GPR174: variants seen among roughly 807,000 people sequenced by gnomAD.
The protein encoded by GPR174 is G protein-coupled receptor 174.
A neutral mutation model predicts 16.5 loss-of-function variants in GPR174; 8 were observed. The observed-to-expected ratio is 0.48, with a 90% CI of 0.28 to 0.87. The LOEUF is 0.87. Ranked by LOEUF, GPR174 falls within the 40% of genes least tolerant of loss-of-function variation. The pLI is 0.09. For missense variants in GPR174, 214 were observed against 247.5 expected (o/e 0.86, Z 0.91); for synonymous variants, 111 against 94.8 (o/e 1.17, Z -0.99).
intron 2 of GPR174, among the ~76,000 whole-genome samples, chrX:79,167,688 A>T (rs969507901): frequency 8.9e-6 from 1 of 112,106 alleles, no homozygotes; most frequent in African/African-American, 3.2e-5. Flanking sequence ...TAATTAAAAG[A>T]GCACTTCTCA....
chrX:79,158,587 G>A (rs1408357515), intron 2 of GPR174, among the ~76,000 whole-genome samples: 2 of 106,291 alleles, frequency 1.9e-5, no homozygotes. Context: ...GGGACTACAG[G>A]CATGTGCCAC....
chrX:79,148,701 T>A (rs1926547831), intron 1 of GPR174, among the ~76,000 whole-genome samples: 1 of 111,225 alleles, frequency 9.0e-6, no homozygotes, highest in Non-Finnish European at 1.9e-5. Flanking sequence ...GTACTTTTTT[T>A]GTGGAGACAG....
At chrX:79,148,924 A>G (rs1257797242) in intron 1 of GPR174, among the ~76,000 whole-genome samples, 2 of 112,228 alleles carry the variant, frequency 1.8e-5, no homozygotes, top group African/African-American at 6.5e-5. Flanking sequence ...CTGATGACCT[A>G]TAAGTTACTT....
chrX:79,158,977 C>G (rs189343777), intron 2 of GPR174, among the ~76,000 whole-genome samples: 1 of 109,250 alleles, frequency 9.2e-6, no homozygotes, highest in Middle Eastern at 4.2e-3. Context: ...ATACTGCATG[C>G]CTGTATCAAA....
chrX:79,149,956 G>T (rs1226909948), intron 1 of GPR174, among the ~76,000 whole-genome samples: 1 of 108,668 alleles, frequency 9.2e-6, no homozygotes, highest in Non-Finnish European at 1.9e-5. Context: ...ATAATTACTT[G>T]TTAATGACTG....
At chrX:79,162,489 C>A (rs1921259579) in intron 2 of GPR174, among the ~76,000 whole-genome samples, 1 of 111,993 alleles carries the variant, frequency 8.9e-6, no homozygotes, top group Non-Finnish European at 1.9e-5. Flanking sequence ...ATAAGTAAAA[C>A]AATAGCTAAA....
At chrX:79,154,168 C>G (rs1921041754) in intron 1 of GPR174, among the ~76,000 whole-genome samples, 2 of 110,659 alleles carry the variant, frequency 1.8e-5, no homozygotes, top group Admixed American at 9.7e-5. Context: ...TGAAAAGGCT[C>G]CAGTGTATGA....
chrX:79,153,335 C>A (rs891500276), intron 1 of GPR174, among the ~76,000 whole-genome samples: 3 of 111,900 alleles, frequency 2.7e-5, no homozygotes, highest in East Asian at 5.6e-4. Flanking sequence ...TGATTTACAG[C>A]AAGGTATTGT....
rs150017891 is a variant in GPR174 at position 79,167,534 on chromosome X, G to A, written c.-556-2918G>A. 7.6e-4 allele frequency among the ~76,000 whole-genome samples: 84 copies of A among 110,754 alleles called. 2 individuals are homozygous for A. In the East Asian group the frequency reaches 0.021, roughly 28 times the overall value. ...TAAAGGTCTTGTTAATTTCAGTACAGGTTGAATAGCCCGTGAGGTCCTCAA... is the reference window on the plus strand; with the variant it reads ...TAAAGGTCTTGTTAATTTCAGTACAAGTTGAATAGCCCGTGAGGTCCTCAA... On this transcript the variant is annotated intron_variant, in intron 2 of 2. Transcript: ENST00000645147.
intron 1 of GPR174, among the ~76,000 whole-genome samples, chrX:79,145,526 G>C (rs1001267173): frequency 3.6e-5 from 4 of 111,722 alleles, no homozygotes; most frequent in Non-Finnish European, 5.7e-5. Context: ...GTGAACATTT[G>C]CAATTTAACC....
intron 2 of GPR174, among the ~76,000 whole-genome samples, chrX:79,164,740 G>C (rs925915066): frequency 1.8e-5 from 2 of 111,934 alleles, no homozygotes; most frequent in African/African-American, 6.5e-5. Context: ...ATCCTGTTTA[G>C]TAGGAGTAGC....
intron 1 of GPR174, among the ~76,000 whole-genome samples, chrX:79,152,143 A>T (rs1466965681): frequency 9.0e-6 from 1 of 111,591 alleles, no homozygotes; most frequent in Non-Finnish European, 1.9e-5. Flanking sequence ...TTGTACACAG[A>T]GGCTCTCCTA....
chrX:79,152,732 A>AT (rs1215988636), intron 1 of GPR174, among the ~76,000 whole-genome samples: 1 of 111,780 alleles, frequency 8.9e-6, no homozygotes, highest in Non-Finnish European at 1.9e-5. Context: ...TAGAAGTATA[A>AT]ACCTGAAGAA....
intron 1 of GPR174, among the ~76,000 whole-genome samples, chrX:79,153,673 T>C (rs1921030407): frequency 8.9e-6 from 1 of 111,908 alleles, no homozygotes; most frequent in South Asian, 3.7e-4. Flanking sequence ...GTATTTGATG[T>C]AAAAAATTGA....
intron 2 of GPR174, among the ~76,000 whole-genome samples, chrX:79,158,211 T>C (rs781594084): frequency 3.8e-5 from 4 of 105,600 alleles, no homozygotes; most frequent in Non-Finnish European, 7.8e-5. Flanking sequence ...GCCACCCCAG[T>C]CTTTCTTTCT....
chrX:79,162,797 A>C (rs1921267224), intron 2 of GPR174, among the ~76,000 whole-genome samples: 1 of 112,026 alleles, frequency 8.9e-6, no homozygotes, highest in Non-Finnish European at 1.9e-5. Context: ...GAACCATATC[A>C]GGCTATGGCA....
intron 1 of GPR174, among the ~76,000 whole-genome samples, chrX:79,156,469 C>A (rs1282266502): frequency 8.9e-6 from 1 of 111,752 alleles, no homozygotes; most frequent in African/African-American, 3.3e-5. Flanking sequence ...CAACTTTTAC[C>A]CTTCAACTGT....
At chrX:79,153,190 C>T (rs1921018306) in intron 1 of GPR174, among the ~76,000 whole-genome samples, 1 of 112,036 alleles carries the variant, frequency 8.9e-6, no homozygotes, top group South Asian at 3.7e-4. Flanking sequence ...CAAAGCTTAG[C>T]ATTTGACCTG....
chrX:79,148,446 T>C (rs1461473502), intron 1 of GPR174, among the ~76,000 whole-genome samples: 1 of 112,205 alleles, frequency 8.9e-6, no homozygotes, highest in Non-Finnish European at 1.9e-5. Context: ...TAAAATTTTT[T>C]TCAGCTTTAC....
Sources: allele counts gnomAD v4.1 joint callset (sites outside exome capture counted in the v4.1 genomes callset), GRCh38; gene constraint gnomAD v4.1.1; transcripts MANE v1.5; gene names NCBI Gene and HGNC (gene_info 2026-07-23, HGNC 2026-07-21).